The following TBC1D32 variants were observed in gnomAD, a reference collection of about 807,000 sequenced individuals.
TBC1D32 encodes the protein TBC1 domain family member 32.
TBC1D32 carries 151 observed loss-of-function variants against 170.3 expected under a neutral mutation model. The ratio of observed to expected loss-of-function variants is 0.89; its 90% CI spans 0.78 to 1.01. The LOEUF is 1.01. Among genes scored for constraint, TBC1D32 ranks in the 50% least tolerant of loss-of-function variants. The probability of loss-of-function intolerance (pLI) is 0.00; values close to 1 mark genes in which losing one functional copy is unlikely to be tolerated. For synonymous variants in TBC1D32, 498 were observed against 488.0 expected (o/e 1.02, Z -0.27); for missense variants, 1,464 against 1,457.1 (o/e 1.00, Z -0.08).
intron 22 of TBC1D32, among the ~76,000 whole-genome samples, chr6:121,179,954 T>C (rs1473562377): frequency 3.3e-5 from 5 of 152,154 alleles, no homozygotes; most frequent in African/African-American, 9.7e-5. Context: ...GTCCATGCTC[T>C]TAACTGCTCA....
Position 121,080,523 on chromosome 6 carries a change from T to C in TBC1D32, c.*248A>G. 2.6e-6 allele frequency: 1 copy of C among 389,582 alleles called. No homozygotes were observed. The highest frequency in any genetic ancestry group is 4.4e-6 in the Non-Finnish European group (1 of 226,528). 24.1% of individuals were successfully genotyped at this position (389,582 alleles called of 1,614,324 possible). A position where few individuals can be genotyped will look rare whatever the true frequency, so the allele number is the denominator to read the frequency against. On this transcript the variant is annotated 3_prime_UTR_variant, in exon 32 of 32. Coordinates refer to ENST00000398212, the MANE Select transcript of TBC1D32 (RefSeq NM_152730.6). ...GCCACCGCGCCTGGCCAGGACTAAC[T>C]CTTAAACATGAATAAGAACTAAAAG...
intron 15 of TBC1D32, among the ~76,000 whole-genome samples, chr6:121,263,690 T>C (rs780670752): frequency 5.3e-5 from 8 of 152,190 alleles, no homozygotes; most frequent in Non-Finnish European, 7.3e-5. Flanking sequence ...AACCACATAA[T>C]TGGAATTAAA....
At chr6:121,110,769 G>C (rs113083771) in intron 29 of TBC1D32, among the ~76,000 whole-genome samples, 213 of 152,254 alleles carry the variant, frequency 1.4e-3, no homozygotes, top group Non-Finnish European at 2.5e-3. Flanking sequence ...TCAAAAGATT[G>C]TTAGTCAAAA....
Position 121,240,357 on chromosome 6 carries a change from A to ATTTTTTTTTTT in TBC1D32, c.2245+1097_2245+1107dup, listed in dbSNP as rs35946120. On this transcript the variant is annotated intron_variant, in intron 19 of 31. Transcript: ENST00000398212. ...AAAATTAGTGGTTCAGTTTAGGACA[A>ATTTTTTTTTTT]TTTTTTTTTTTTTTTTTTTTTTTTT... Among the ~76,000 whole-genome samples the ATTTTTTTTTTT allele has an allele frequency of 1.2e-3, 92 of 75,292 alleles. 3 individuals carry two copies. Among genetic ancestry groups the ATTTTTTTTTTT allele is most frequent in the Non-Finnish European group, 1.5e-3 (61 of 41,152 alleles). 49.4% of individuals were successfully genotyped at this position (75,292 alleles called of 152,430 possible).
At chr6:121,217,248 C>T (rs1282360100) in intron 21 of TBC1D32, among the ~76,000 whole-genome samples, 1 of 152,222 alleles carries the variant, frequency 6.6e-6, no homozygotes, top group East Asian at 1.9e-4. Context: ...CCTTTATCTC[C>T]GTTCCTGTCC....
chr6:121,267,333 C>A (rs991604134), intron 15 of TBC1D32, among the ~76,000 whole-genome samples: 1 of 152,114 alleles, frequency 6.6e-6, no homozygotes, highest in African/African-American at 2.4e-5. Flanking sequence ...GCCTTGAAAG[C>A]GAAGCCCAAG....
chr6:121,324,399 G>C (rs1475546163), intron 1 of TBC1D32, among the ~76,000 whole-genome samples: 4 of 151,478 alleles, frequency 2.6e-5, no homozygotes, highest in Non-Finnish European at 5.9e-5. Context: ...ATTTATATTC[G>C]ATGTTTAGAT....
intron 29 of TBC1D32, among the ~76,000 whole-genome samples, chr6:121,109,231 A>G (rs527391234): frequency 8.5e-5 from 13 of 152,280 alleles, no homozygotes; most frequent in African/African-American, 3.1e-4. Context: ...TAAATCCACG[A>G]ACTTTCTGAA....
chr6:121,301,170 C>T (rs952225940), intron 9 of TBC1D32, among the ~76,000 whole-genome samples: 10 of 152,216 alleles, frequency 6.6e-5, no homozygotes, highest in African/African-American at 2.2e-4. Flanking sequence ...TACCATTTGA[C>T]CCAGCAATCC....
chr6:121,142,361 C>T (rs1365918968), intron 24 of TBC1D32, among the ~76,000 whole-genome samples: 1 of 152,192 alleles, frequency 6.6e-6, no homozygotes, highest in Non-Finnish European at 1.5e-5. Flanking sequence ...ATTAGTAGCA[C>T]TAGAAACATA....
chr6:121,244,542 G>A (rs1011436759), intron 17 of TBC1D32, among the ~76,000 whole-genome samples: 1 of 152,080 alleles, frequency 6.6e-6, no homozygotes, highest in Non-Finnish European at 1.5e-5. Flanking sequence ...GAGTATAACT[G>A]CCTCTGCTGT....
At chr6:121,100,829 T>C (rs916890421) in intron 30 of TBC1D32, among the ~76,000 whole-genome samples, 1 of 151,918 alleles carries the variant, frequency 6.6e-6, no homozygotes, top group Non-Finnish European at 1.5e-5. Flanking sequence ...ACAAGATTGA[T>C]AGACTGCTAG....
chr6:121,254,106 A>G (rs1798656757), intron 17 of TBC1D32, among the ~76,000 whole-genome samples: 1 of 152,168 alleles, frequency 6.6e-6, no homozygotes, highest in Non-Finnish European at 1.5e-5. Flanking sequence ...ATGGAGCTGG[A>G]GGCCGATTTT....
At chr6:121,121,863 A>G (rs544211144) in intron 26 of TBC1D32, among the ~76,000 whole-genome samples, 1 of 152,168 alleles carries the variant, frequency 6.6e-6, no homozygotes, top group African/African-American at 2.4e-5. Context: ...AGAATTTGAG[A>G]AAGAAATTAC....
intron 24 of TBC1D32, among the ~76,000 whole-genome samples, chr6:121,153,528 G>A (rs1411847512): frequency 6.6e-6 from 1 of 152,124 alleles, no homozygotes; most frequent in East Asian, 1.9e-4. Context: ...ACTGTGCTTG[G>A]AGATCCACTC....
rs1026551939 is a variant in TBC1D32, at chr6:121,101,315, G to A, written c.3465+4708C>T. On this transcript the variant is annotated intron_variant, in intron 30 of 31. Coordinates refer to ENST00000398212, the MANE Select transcript of TBC1D32 (RefSeq NM_152730.6). The stretch of plus-strand genomic sequence containing the variant: ...AGAATTTTAGACCAATATCCCTGAT[G>A]AACATGGATGCAAAAATCCTCAATA... Among the ~76,000 whole-genome samples the A allele has an allele frequency of 5.3e-5, 8 of 152,208 alleles. 1 individual carries two copies. The highest frequency in any genetic ancestry group is 1.9e-4 in the African/African-American group (8 of 41,532).
chr6:121,162,033 T>G (rs954860085), intron 22 of TBC1D32, among the ~76,000 whole-genome samples: 1 of 152,256 alleles, frequency 6.6e-6, no homozygotes, highest in Non-Finnish European at 1.5e-5. Flanking sequence ...TGGGACTGTT[T>G]GCTTTTCTCT....
At chr6:121,272,949 G>T (rs1418802797) in intron 15 of TBC1D32, among the ~76,000 whole-genome samples, 6 of 152,120 alleles carry the variant, frequency 3.9e-5, no homozygotes, top group African/African-American at 9.7e-5. Flanking sequence ...ATGAGTTCAT[G>T]TCCTTTGTAG....
At chr6:121,215,890 T>C (rs996627358) in intron 21 of TBC1D32, among the ~76,000 whole-genome samples, 1 of 152,230 alleles carries the variant, frequency 6.6e-6, no homozygotes, top group East Asian at 1.9e-4. Flanking sequence ...AGAACACTTA[T>C]GCACTATTGC....
Sources: allele counts gnomAD v4.1 joint callset (sites outside exome capture counted in the v4.1 genomes callset), GRCh38; gene constraint gnomAD v4.1.1; transcripts MANE v1.5; gene names NCBI Gene and HGNC (gene_info 2026-07-23, HGNC 2026-07-21).